SEZ6L2: variants seen among roughly 807,000 people sequenced by gnomAD.
SEZ6L2 encodes the protein seizure related 6 homolog like 2.
A neutral mutation model predicts 97.0 loss-of-function variants in SEZ6L2; 44 were observed. That is an observed-to-expected ratio of 0.45 (90% CI 0.36 to 0.58). The LOEUF (loss-of-function observed/expected upper bound fraction) is 0.58. Among genes scored for constraint, SEZ6L2 ranks in the 20% least tolerant of loss-of-function variants. The pLI is 0.00. For missense variants in SEZ6L2, 1,086 were observed against 1,233.3 expected, an observed-to-expected ratio of 0.88 and a Z score of 1.79; for synonymous variants, 543 against 546.1, an observed-to-expected ratio of 0.99 and a Z score of 0.08.
intron 5 of SEZ6L2, among the ~76,000 whole-genome samples, chr16:29,894,555 T>G (rs187113916): frequency 1.6e-4 from 24 of 152,104 alleles, no homozygotes; most frequent in African/African-American, 5.1e-4. Flanking sequence ...CCCCCGCTGG[T>G]GTTTCTGCCA....
At chr16:29,885,479 C>A in intron 8 of SEZ6L2, 107 bp downstream of exon 8, 1 of 1,237,508 alleles carries the variant, frequency 8.1e-7, no homozygotes. Flanking sequence ...TCAAGGAACC[C>A]AGCACGGAGA....
chr16:29,884,132 G>T (rs2068082565), intron 8 of SEZ6L2, among the ~76,000 whole-genome samples: 1 of 152,130 alleles, frequency 6.6e-6, no homozygotes, highest in Admixed American at 6.6e-5. Flanking sequence ...ACCAGGGAAG[G>T]CCACGTGAGG....
At chr16:29,895,903 T>G (rs1363259226) in intron 3 of SEZ6L2, 43 bp from the exon 4 acceptor site, 1 of 1,565,330 alleles carries the variant, frequency 6.4e-7, no homozygotes, top group Non-Finnish European at 8.7e-7. Context: ...ATGCCTGTGC[T>G]TTTGCCCTCC....
In SEZ6L2 at chr16:29,899,141, G is replaced by T. The variant is rs1192336201; in HGVS notation, c.-122C>A. 10 of 742,096 alleles carry T rather than the reference G, an allele frequency of 1.3e-5. No homozygotes were observed. Among genetic ancestry groups the T allele is most frequent in the Non-Finnish European group, 2.1e-5 (10 of 467,590 alleles). The allele number at this position is 742,096 out of a possible 1,614,324, so 46.0% of individuals were successfully genotyped here. ...TTTTTTTTTTTTTTTTTCCTCGTAG[G>T]AGTCAGCAAAGAAAGACAATTTCTC... On this transcript the variant is annotated 5_prime_UTR_variant, in exon 1 of 18. Transcript: ENST00000617533.
intron 8 of SEZ6L2, among the ~76,000 whole-genome samples, chr16:29,880,662 G>A (rs564970993): frequency 4.5e-4 from 69 of 151,996 alleles, no homozygotes; most frequent in Non-Finnish European, 7.6e-4. Context: ...TCACCATGTC[G>A]GCTAGGCTGG....
rs944484637 is a variant in SEZ6L2, at chr16:29,898,853, G to C, written c.79+88C>G. On this transcript the variant is annotated intron_variant, in intron 1 of 17. Transcript: ENST00000617533. ...TGCCTCTCCCCTCCCCCATGTGCTC[G>C]GAAGACCCAGGATATTAAGAGAAAG... The C allele has an allele frequency of 8.6e-6, 9 of 1,046,148 alleles. No individual in the cohort carries two copies. The African/African-American group carries it at 9.6e-5, about 11-fold the overall frequency. 64.8% of individuals were successfully genotyped at this position (1,046,148 alleles called of 1,614,324 possible).
intron 8 of SEZ6L2, among the ~76,000 whole-genome samples, chr16:29,880,938 A>AT (rs72168896): frequency 4.3e-3 from 577 of 134,054 alleles, no homozygotes; most frequent in East Asian, 5.7e-3. Context: ...TCATTTTCTG[A>AT]TTTTTTTTTT....
chr16:29,885,599 G>A lies in SEZ6L2; in HGVS notation c.1359C>T (p.Ser453=), dbSNP rs772854244. ...SETPANPLLL[S]LRFEAFEEDR... ...TGGGTCACTTACCTTCAAATCGAAG[G>A]CTTAACAGCAGGGGATTGGCAGGTG... Residue 453 remains serine, a synonymous_variant, in exon 8 of 18, where the codon AGC becomes AGT. Transcript: ENST00000617533. The A allele has an allele frequency of 4.3e-6, 7 of 1,613,744 alleles. No individual in the cohort carries two copies. In the South Asian group the frequency reaches 7.7e-5, roughly 18 times the overall value.
rs773046705 is a variant in SEZ6L2, at chr16:29,897,002, C to G, written c.331G>C (p.Gly111Arg). 1.3e-6 allele frequency: 2 copies of G among 1,586,422 alleles called. No homozygotes were observed. Among genetic ancestry groups the G allele is most frequent in the Non-Finnish European group, 1.7e-6 (2 of 1,169,936 alleles). ...GPLTTAVTPN[G>R]VRGAGPTAPE... is the part of the protein sequence containing the mutation. The stretch of plus-strand genomic sequence containing the variant: ...GCAGTGGGGCCTGCCCCCCTGACCC[C>G]GTTAGGGGTGACGGCTGTTGTCAGA... The change falls in exon 3 of 18, where the codon GGG becomes CGG. Residue 111 changes from glycine (G) to arginine (R), a missense_variant. Coordinates refer to ENST00000617533, the MANE Select transcript of SEZ6L2 (RefSeq NM_001243332.2).
Position 29,877,475 on chromosome 16 carries a change from G to C in SEZ6L2, c.1713-8C>G. On this transcript the variant is annotated splice_polypyrimidine_tract_variant and splice_region_variant and intron_variant, in intron 10 of 17. Coordinates refer to ENST00000617533, the MANE Select transcript of SEZ6L2 (RefSeq NM_001243332.2). ...CCTTCCCGCACATTCAATCTGCAGG[G>C]GGTGAGACCAGGCAATGGGGCGGGG... is the stretch of plus-strand genomic sequence containing the variant. 6.3e-7 allele frequency: 1 copy of C among 1,575,602 alleles called. No homozygotes were observed. Among genetic ancestry groups the C allele is most frequent in the South Asian group, 1.2e-5 (1 of 85,192 alleles).
chr16:29,874,312 T>C (rs2067851929), intron 12 of SEZ6L2, among the ~76,000 whole-genome samples: 2 of 152,178 alleles, frequency 1.3e-5, no homozygotes, highest in South Asian at 4.1e-4. Context: ...GAGCCCAACA[T>C]GGCTTGTAGT....
In SEZ6L2 at chr16:29,876,702, C is replaced by T. The variant is rs1157518801; in HGVS notation, c.2104+54G>A. On this transcript the variant is annotated intron_variant, in intron 12 of 17. Coordinates refer to ENST00000617533, the MANE Select transcript of SEZ6L2 (RefSeq NM_001243332.2). The surrounding 1 kb of genome is among the most constrained non-coding windows in gnomAD (Gnocchi z 6.5). ...GGGTCGGGACAGGACAGGCCGACGA[C>T]GGGGCCCACAGGGAAGGGGCGGGGC... 3 of 1,456,388 alleles carry T rather than the reference C, an allele frequency of 2.1e-6. No individual in the cohort carries two copies. The highest frequency in any genetic ancestry group is 2.2e-4 in the Middle Eastern group (1 of 4,464). 90.2% of individuals were successfully genotyped at this position (1,456,388 alleles called of 1,614,324 possible). A position where few individuals can be genotyped will look rare whatever the true frequency, so the allele number is the denominator to read the frequency against.
intron 8 of SEZ6L2, among the ~76,000 whole-genome samples, chr16:29,884,671 T>C (rs1376381099): frequency 1.3e-5 from 2 of 151,894 alleles, no homozygotes; most frequent in Admixed American, 6.6e-5. Flanking sequence ...CCCAACACTT[T>C]GGGAGGCGGA....
chr16:29,890,012 G>A (rs955322326), intron 5 of SEZ6L2, among the ~76,000 whole-genome samples: 9 of 151,116 alleles, frequency 6.0e-5, no homozygotes, highest in African/African-American at 9.7e-5. Context: ...GGGTTCAAGC[G>A]GTTCTCCTGC....
intron 17 of SEZ6L2, 83 bp from the exon 18 acceptor site, chr16:29,871,811 T>A: frequency 7.6e-7 from 1 of 1,314,630 alleles, no homozygotes; most frequent in Non-Finnish European, 1.1e-6. Context: ...GCAACGATCC[T>A]GGGTTTTAAA....
At chr16:29,881,849 C>T (rs1303529377) in intron 8 of SEZ6L2, among the ~76,000 whole-genome samples, 3 of 146,684 alleles carry the variant, frequency 2.0e-5, no homozygotes, top group Non-Finnish European at 4.5e-5. Flanking sequence ...AGGCTGGTCT[C>T]GAACACCTGA....
At chr16:29,884,733 G>T (rs1012217310) in intron 8 of SEZ6L2, among the ~76,000 whole-genome samples, 1 of 150,820 alleles carries the variant, frequency 6.6e-6, no homozygotes, top group African/African-American at 2.4e-5. Context: ...GACCAACGTG[G>T]AGAAACCCCA....
chr16:29,885,527 G>A (rs1418003734), intron 8 of SEZ6L2, 59 bp downstream of exon 8: 14 of 1,552,260 alleles, frequency 9.0e-6, no homozygotes, highest in Non-Finnish European at 8.9e-6. Flanking sequence ...ACTATGCTTG[G>A]TGTCAGGAAG....
intron 5 of SEZ6L2, among the ~76,000 whole-genome samples, chr16:29,890,011 C>T (rs1029817035): frequency 2.0e-4 from 30 of 152,052 alleles, no homozygotes; most frequent in African/African-American, 6.3e-4. Context: ...CGGGTTCAAG[C>T]GGTTCTCCTG....
Sources: gnomAD v4.1 joint callset for allele counts (sites outside exome capture counted in the v4.1 genomes callset) on GRCh38, gnomAD v4.1.1 for gene constraint, Gnocchi (gnomAD v3.1) non-coding constraint, MANE v1.5 for transcripts, NCBI Gene and HGNC (gene_info 2026-07-23, HGNC 2026-07-21) for gene names.